The following SLC9A9 variants were observed in gnomAD, a reference collection of about 807,000 sequenced individuals.
SLC9A9 encodes the protein sodium/hydrogen exchanger 9.
Under a neutral mutation model 77.8 loss-of-function variants are expected in SLC9A9, and 62 were observed. That is an observed-to-expected ratio of 0.80 (90% CI 0.65 to 0.98). The LOEUF is 0.98. Ranked by LOEUF, SLC9A9 falls within the 50% of genes least tolerant of loss-of-function variation. The pLI, the probability that SLC9A9 is intolerant of heterozygous loss-of-function variation, is 0.00. For missense variants in SLC9A9, 775 were observed against 774.9 expected (o/e 1.00, Z 0.00); for synonymous variants, 320 against 283.5 (o/e 1.13, Z -1.29).
At chr3:143,706,085 A>G (rs1436799833) in intron 4 of SLC9A9, among the ~76,000 whole-genome samples, 5 of 152,222 alleles carry the variant, frequency 3.3e-5, no homozygotes, top group African/African-American at 9.7e-5. Flanking sequence ...GAATTCCAAC[A>G]ATGTTTCATC....
intron 9 of SLC9A9, among the ~76,000 whole-genome samples, chr3:143,541,680 C>T (rs998673680): frequency 3.3e-5 from 5 of 152,150 alleles, no homozygotes; most frequent in Admixed American, 2.6e-4. Flanking sequence ...CTGGTCCAAG[C>T]CCTTGAAGTC....
chr3:143,744,906 G>A (rs1324100762), intron 4 of SLC9A9, among the ~76,000 whole-genome samples: 3 of 152,170 alleles, frequency 2.0e-5, no homozygotes, highest in Admixed American at 6.5e-5. Context: ...TGCCCACTAA[G>A]AGGACCTGCC....
chr3:143,462,638 CT>C (rs2035214600), intron 12 of SLC9A9, among the ~76,000 whole-genome samples: 1 of 152,188 alleles, frequency 6.6e-6, no homozygotes. Context: ...TTACCCGTAA[CT>C]GTCCCAGGTC....
At chr3:143,311,977 T>A (rs1308163475) in intron 14 of SLC9A9, among the ~76,000 whole-genome samples, 1 of 152,238 alleles carries the variant, frequency 6.6e-6, no homozygotes, top group Non-Finnish European at 1.5e-5. Context: ...TTTTGTGAGA[T>A]AGAAACATTC....
At chr3:143,815,937 C>T (rs187544481) in intron 2 of SLC9A9, among the ~76,000 whole-genome samples, 5 of 152,232 alleles carry the variant, frequency 3.3e-5, no homozygotes, top group East Asian at 1.9e-4. Context: ...CCAGAGAGAT[C>T]GAGAGACATG....
chr3:143,422,346 C>G (rs2034315045), intron 12 of SLC9A9, among the ~76,000 whole-genome samples: 1 of 152,178 alleles, frequency 6.6e-6, no homozygotes, highest in Admixed American at 6.5e-5. Flanking sequence ...ATGGAATCAA[C>G]CCAGGTGCCC....
At chr3:143,536,719 A>G (rs1282193519) in intron 9 of SLC9A9, among the ~76,000 whole-genome samples, 1 of 152,232 alleles carries the variant, frequency 6.6e-6, no homozygotes, top group East Asian at 1.9e-4. Flanking sequence ...CCTGCCTGTG[A>G]ATATAAATGT....
Position 143,790,292 on chromosome 3 carries a change from C to T in SLC9A9, c.533+4709G>A, listed in dbSNP as rs114646085. Among the ~76,000 whole-genome samples, 938 of 152,280 alleles carry T rather than the reference C, an allele frequency of 6.2e-3. 9 individuals are homozygous for T. Among genetic ancestry groups the T allele is most frequent in the African/African-American group, 0.02 (847 of 41,556 alleles). On this transcript the variant is annotated intron_variant, in intron 4 of 15. Transcript: ENST00000316549. Reference sequence around the variant, plus strand: ...AGTCTCAGGTATTTCTTCACTGCAACATGAGAATGGACTAATACATTAAGC... The same window carrying T: ...AGTCTCAGGTATTTCTTCACTGCAATATGAGAATGGACTAATACATTAAGC...
intron 6 of SLC9A9, among the ~76,000 whole-genome samples, chr3:143,648,541 A>C (rs559657025): frequency 6.6e-5 from 10 of 152,312 alleles, no homozygotes; most frequent in Non-Finnish European, 1.3e-4. Context: ...GCCACAGACC[A>C]GTGCCGGTCC....
At chr3:143,492,021 G>GGT (rs2035755011) in intron 11 of SLC9A9, among the ~76,000 whole-genome samples, 1 of 152,056 alleles carries the variant, frequency 6.6e-6, no homozygotes, top group South Asian at 2.1e-4. Context: ...GGCCGGGTGT[G>GGT]GTGGCTCAAG....
At chr3:143,437,663 CATGTT>C (rs1430935607) in intron 12 of SLC9A9, among the ~76,000 whole-genome samples, 2 of 152,208 alleles carry the variant, frequency 1.3e-5, no homozygotes, top group African/African-American at 4.8e-5. Context: ...TGATGGGAGA[CATGTT>C]ATGATCCTAC....
intron 4 of SLC9A9, chr3:143,697,982 T>C (rs1933689804): frequency 6.6e-6 from 1 of 152,212 alleles, no homozygotes; most frequent in Non-Finnish European, 1.5e-5. Context: ...GCTATTGTTA[T>C]TGTTGGCACA....
At chr3:143,566,058 G>A (rs2037162367) in intron 8 of SLC9A9, among the ~76,000 whole-genome samples, 1 of 152,118 alleles carries the variant, frequency 6.6e-6, no homozygotes, top group South Asian at 2.1e-4. Flanking sequence ...AGTGAGAAAT[G>A]ATGAGATGAG....
chr3:143,819,215 C>T (rs2009106593), intron 2 of SLC9A9, among the ~76,000 whole-genome samples: 1 of 152,160 alleles, frequency 6.6e-6, no homozygotes. Context: ...ATTTGTGAGA[C>T]TAGAATACCA....
At chr3:143,798,583 A>T (rs1035810610) in intron 2 of SLC9A9, among the ~76,000 whole-genome samples, 2 of 151,820 alleles carry the variant, frequency 1.3e-5, no homozygotes, top group African/African-American at 4.8e-5. Flanking sequence ...TTCAACTCTC[A>T]CCTGACCTAA....
intron 13 of SLC9A9, among the ~76,000 whole-genome samples, chr3:143,376,310 A>T (rs1219188770): frequency 6.6e-6 from 1 of 152,234 alleles, no homozygotes; most frequent in Non-Finnish European, 1.5e-5. Flanking sequence ...GGCTATCCTT[A>T]CTGGGAAGAA....
intron 14 of SLC9A9, among the ~76,000 whole-genome samples, chr3:143,299,635 G>T (rs1047708346): frequency 2.6e-5 from 4 of 152,116 alleles, no homozygotes; most frequent in African/African-American, 4.8e-5. Context: ...AGTAGAGATG[G>T]GGTTTCACCG....
chr3:143,481,023 T>C (rs2035565039), intron 11 of SLC9A9, among the ~76,000 whole-genome samples: 1 of 152,228 alleles, frequency 6.6e-6, no homozygotes. Flanking sequence ...TTTAGCCTGA[T>C]TCTTGACTGA....
At chr3:143,525,670 A>G (rs2036391783) in intron 9 of SLC9A9, among the ~76,000 whole-genome samples, 1 of 152,204 alleles carries the variant, frequency 6.6e-6, no homozygotes, top group Non-Finnish European at 1.5e-5. Flanking sequence ...GTCCCTTTCA[A>G]ACATGCCCCT....
Sources: gnomAD v4.1 joint callset for allele counts (sites outside exome capture counted in the v4.1 genomes callset) on GRCh38, gnomAD v4.1.1 for gene constraint, MANE v1.5 for transcripts, NCBI Gene and HGNC (gene_info 2026-07-23, HGNC 2026-07-21) for gene names.